Variants in NOX4 observed in about 807,000 individuals in gnomAD.
NOX4 encodes the protein kidney oxidase-1.
In NOX4, 69 loss-of-function variants were observed where a neutral mutation model predicts 87.6. The observed-to-expected ratio is 0.79, with a 90% CI of 0.65 to 0.96. The LOEUF (loss-of-function observed/expected upper bound fraction) is 0.96. NOX4 is among the 40% of genes least tolerant of loss of function. The pLI is 0.00. For synonymous variants in NOX4, 275 were observed against 238.2 expected, an observed-to-expected ratio of 1.15 and a Z score of -1.42; for missense variants, 680 against 681.5, an observed-to-expected ratio of 1.00 and a Z score of 0.02.
intron 11 of NOX4, among the ~76,000 whole-genome samples, chr11:89,377,308 G>T (rs1272734681): frequency 2.0e-5 from 3 of 152,068 alleles, no homozygotes; most frequent in African/African-American, 4.8e-5. Flanking sequence ...TGAAAATGTT[G>T]CTGAATCTAT....
chr11:89,375,835 C>G (rs1236343697), intron 11 of NOX4, among the ~76,000 whole-genome samples: 1 of 152,156 alleles, frequency 6.6e-6, no homozygotes, highest in African/African-American at 2.4e-5. Context: ...TCACTGTGAA[C>G]TAGATCTCAG....
intron 12 of NOX4, 90 bp downstream of exon 12, chr11:89,373,342 T>C (rs1436393312): frequency 4.8e-6 from 3 of 623,808 alleles, no homozygotes; most frequent in Non-Finnish European, 5.7e-6. Context: ...CACATCTCTA[T>C]ACATGCTGGT....
At chr11:89,334,673 A>G (rs1373071644) in intron 17 of NOX4, among the ~76,000 whole-genome samples, 1 of 151,758 alleles carries the variant, frequency 6.6e-6, no homozygotes, top group Non-Finnish European at 1.5e-5. Flanking sequence ...ATAAAAATAT[A>G]TTTTAAAAAT....
chr11:89,353,898 A>G (rs1254380246), intron 13 of NOX4, among the ~76,000 whole-genome samples: 1 of 152,186 alleles, frequency 6.6e-6, no homozygotes, highest in African/African-American at 2.4e-5. Context: ...CTGTATAGGC[A>G]CATGTATGTC....
At chr11:89,463,086 G>A (rs1945542441) in intron 2 of NOX4, among the ~76,000 whole-genome samples, 1 of 151,592 alleles carries the variant, frequency 6.6e-6, no homozygotes, top group Non-Finnish European at 1.5e-5. Flanking sequence ...TAACAAATTG[G>A]GATAGGAACT....
chr11:89,565,037 A>T, the NOX4 span, among the ~76,000 whole-genome samples: 1 of 152,126 alleles, frequency 6.6e-6, no homozygotes, highest in African/African-American at 2.4e-5. Flanking sequence ...GATATCTAAA[A>T]ATACCTGCTG....
At chr11:89,534,531 G>A in the NOX4 span, among the ~76,000 whole-genome samples, 1 of 152,142 alleles carries the variant, frequency 6.6e-6, no homozygotes, top group Non-Finnish European at 1.5e-5. Context: ...ATTTCCCACA[G>A]AATCGTGTTT....
intron 11 of NOX4, among the ~76,000 whole-genome samples, chr11:89,396,714 G>T (rs1044183724): frequency 1.3e-5 from 2 of 152,060 alleles, no homozygotes; most frequent in Non-Finnish European, 2.9e-5. Context: ...GATCAAAAGA[G>T]ACAAAGAAGG....
At chr11:89,570,017 A>G in the NOX4 span, among the ~76,000 whole-genome samples, 4 of 149,178 alleles carry the variant, frequency 2.7e-5, no homozygotes, top group African/African-American at 9.9e-5. Flanking sequence ...AAAAAAAAAA[A>G]GAAAAAAGAA....
intron 6 of NOX4, among the ~76,000 whole-genome samples, chr11:89,437,766 C>T (rs991810371): frequency 4.6e-5 from 7 of 152,076 alleles, no homozygotes; most frequent in Non-Finnish European, 1.0e-4. Flanking sequence ...TATTCTACAA[C>T]ACAGTATTTT....
the NOX4 span, among the ~76,000 whole-genome samples, chr11:89,528,617 T>G: frequency 6.6e-6 from 1 of 152,332 alleles, no homozygotes. Flanking sequence ...TTCCCCTCTT[T>G]ACTCAGCACT....
rs1470578352 is a variant in NOX4, at chr11:89,370,098, C to G, written c.1135+3334G>C. ...TTAACTAAACCTATATTTAAGATTACTTGCACTGTGAGAAGTCAATATATT... is the reference window on the plus strand; with the variant it reads ...TTAACTAAACCTATATTTAAGATTAGTTGCACTGTGAGAAGTCAATATATT... On this transcript the variant is annotated intron_variant, in intron 12 of 17. Transcript: ENST00000263317. Among the ~76,000 whole-genome samples, 32 of 151,864 alleles carry G rather than the reference C, an allele frequency of 2.1e-4. 1 individual carries two copies. The highest frequency in any genetic ancestry group is 2.1e-3 in the Admixed American group (32 of 15,192).
intron 2 of NOX4, 150 bp downstream of exon 2, chr11:89,490,308 A>G (rs1265230668): frequency 1.6e-6 from 1 of 613,046 alleles, no homozygotes; most frequent in East Asian, 2.7e-5. Flanking sequence ...TAAATGATAA[A>G]TCAGGAAAAT....
rs11018584 is a variant in NOX4, at chr11:89,332,699, C to T, written c.1616+3146G>A. 3.3e-3 allele frequency among the ~76,000 whole-genome samples: 499 copies of T among 151,754 alleles called. 3 individuals are homozygous for T. The Middle Eastern group carries it at 0.048, about 14-fold the overall frequency. On this transcript the variant is annotated intron_variant, in intron 17 of 17. Coordinates refer to ENST00000263317, the MANE Select transcript of NOX4 (RefSeq NM_016931.5). ...ATTGCCACTCTTTATCTGTGACAAG[C>T]TGACTATGCCCTGCTGTAAAGCACA... is the stretch of plus-strand genomic sequence containing the variant.
chr11:89,508,549 G>A, the NOX4 span, among the ~76,000 whole-genome samples: 1 of 152,192 alleles, frequency 6.6e-6, no homozygotes, highest in Non-Finnish European at 1.5e-5. Flanking sequence ...ACATAATCAT[G>A]TGACAAATGA....
chr11:89,521,090 AGTATTG>A, the NOX4 span, among the ~76,000 whole-genome samples: 1 of 152,296 alleles, frequency 6.6e-6, no homozygotes, highest in African/African-American at 2.4e-5. Context: ...TGCAAAAATC[AGTATTG>A]TTAGAATGGC....
At chr11:89,357,437 C>T (rs1388756202) in intron 12 of NOX4, among the ~76,000 whole-genome samples, 2 of 152,108 alleles carry the variant, frequency 1.3e-5, no homozygotes, top group Non-Finnish European at 2.9e-5. Flanking sequence ...ATTAACATTT[C>T]TTTCAATCAA....
At chr11:89,420,210 G>A (rs1020218520) in intron 8 of NOX4, among the ~76,000 whole-genome samples, 1 of 152,018 alleles carries the variant, frequency 6.6e-6, no homozygotes, top group Non-Finnish European at 1.5e-5. Context: ...TCTGAAAGAG[G>A]TTTAACAATA....
upstream of NOX4, chr11:89,491,381 C>A: frequency 1.3e-5 from 10 of 790,088 alleles, no homozygotes; most frequent in Non-Finnish European, 1.9e-5. Flanking sequence ...TGAGTGGAAG[C>A]CCGAAGGCCC....
Sources: gnomAD v4.1 joint callset for allele counts (sites outside exome capture counted in the v4.1 genomes callset) on GRCh38, gnomAD v4.1.1 for gene constraint, MANE v1.5 for transcripts, NCBI Gene and HGNC (gene_info 2026-07-23, HGNC 2026-07-21) for gene names.